CADM2: variants seen among roughly 807,000 people sequenced by gnomAD.
The protein encoded by CADM2 is immunoglobulin superfamily member 4D.
Under a neutral mutation model 49.8 loss-of-function variants are expected in CADM2, and 12 were observed. That is an observed-to-expected ratio of 0.24 (90% CI 0.15 to 0.39). The LOEUF (loss-of-function observed/expected upper bound fraction) is 0.39, where lower values mean the gene tolerates loss of function less well. Ranked by LOEUF, CADM2 falls within the 10% of genes least tolerant of loss-of-function variation. CADM2 has a pLI of 1.00. For synonymous variants in CADM2, 214 were observed against 175.4 expected, an observed-to-expected ratio of 1.22 and a Z score of -1.74; for missense variants, 378 against 492.3, an observed-to-expected ratio of 0.77 and a Z score of 2.20.
intron 1 of CADM2, among the ~76,000 whole-genome samples, chr3:85,655,220 T>C (rs2065161182): frequency 6.6e-6 from 1 of 151,838 alleles, no homozygotes; most frequent in African/African-American, 2.4e-5. Context: ...AGTGGTGTGA[T>C]CTCAGCTTAC....
intron 8 of CADM2, among the ~76,000 whole-genome samples, chr3:86,042,143 A>G (rs547672136): frequency 6.6e-6 from 1 of 152,342 alleles, no homozygotes; most frequent in South Asian, 2.1e-4. Context: ...TCTAAAATTG[A>G]CACGCTAACA....
At chr3:85,065,032 A>T (rs1332885380) in intron 1 of CADM2, among the ~76,000 whole-genome samples, 2 of 152,120 alleles carry the variant, frequency 1.3e-5, no homozygotes, top group Non-Finnish European at 2.9e-5. Context: ...ATATAGATGG[A>T]GTTTTAAAAT....
At chr3:85,204,131 C>A (rs1241292064) in intron 1 of CADM2, among the ~76,000 whole-genome samples, 1 of 152,112 alleles carries the variant, frequency 6.6e-6, no homozygotes, top group Non-Finnish European at 1.5e-5. Context: ...TAAATAATCC[C>A]TCAGAATTTA....
At chr3:85,665,594 C>G (rs976537613) in intron 1 of CADM2, among the ~76,000 whole-genome samples, 3 of 151,948 alleles carry the variant, frequency 2.0e-5, no homozygotes, top group African/African-American at 7.2e-5. Context: ...TTAATGAAAA[C>G]AGAAGGACCC....
rs557594187 is a variant in CADM2, at chr3:85,581,458, G to C, written c.62-145064G>C. 5.2e-4 allele frequency among the ~76,000 whole-genome samples: 79 copies of C among 150,934 alleles called. No individual in the cohort carries two copies. The South Asian group carries it at 0.016, about 30-fold the overall frequency. Reference sequence around the variant, plus strand: ...AAGAAAAAAAAAAAAAGGACTTTGAGGGTGAAAAAGAACATATGAAGCAAG... The same window carrying C: ...AAGAAAAAAAAAAAAAGGACTTTGACGGTGAAAAAGAACATATGAAGCAAG... On this transcript the variant is annotated intron_variant, in intron 1 of 9. Coordinates refer to ENST00000383699, the MANE Select transcript of CADM2 (RefSeq NM_001167675.2).
intron 1 of CADM2, among the ~76,000 whole-genome samples, chr3:85,214,977 C>T (rs2041885189): frequency 6.6e-6 from 1 of 152,038 alleles, no homozygotes; most frequent in Admixed American, 6.5e-5. Context: ...ACTCATGCTG[C>T]AGGACAACAT....
intron 8 of CADM2, among the ~76,000 whole-genome samples, chr3:86,003,288 A>C (rs928680517): frequency 6.6e-6 from 1 of 152,154 alleles, no homozygotes; most frequent in African/African-American, 2.4e-5. Context: ...CATTTTCCCC[A>C]TGGGACTTGG....
intron 1 of CADM2, among the ~76,000 whole-genome samples, chr3:85,034,380 T>C (rs975918367): frequency 6.6e-6 from 1 of 152,182 alleles, no homozygotes; most frequent in Non-Finnish European, 1.5e-5. Flanking sequence ...TTATTTCCCT[T>C]AACATAATGA....
chr3:85,907,542 A>G (rs1333965379), intron 5 of CADM2, among the ~76,000 whole-genome samples: 1 of 152,182 alleles, frequency 6.6e-6, no homozygotes, highest in Non-Finnish European at 1.5e-5. Context: ...TGGATTAAAA[A>G]GAACTGGCCT....
At chr3:85,041,251 A>G (rs1023840256) in intron 1 of CADM2, among the ~76,000 whole-genome samples, 2 of 152,156 alleles carry the variant, frequency 1.3e-5, no homozygotes, top group Middle Eastern at 3.2e-3. Context: ...CTTATATTTC[A>G]TCTTTTTGCT....
intron 1 of CADM2, among the ~76,000 whole-genome samples, chr3:85,464,453 C>A (rs1452759963): frequency 1.3e-5 from 2 of 152,080 alleles, no homozygotes; most frequent in Admixed American, 6.6e-5. Context: ...GTTTAAACTT[C>A]CTGAATATGA....
intron 1 of CADM2, among the ~76,000 whole-genome samples, chr3:85,099,837 T>TG (rs2037943960): frequency 6.6e-6 from 1 of 152,180 alleles, no homozygotes; most frequent in East Asian, 1.9e-4. Flanking sequence ...AATGGGAGCT[T>TG]TTAAAATAAC....
At chr3:85,824,542 G>C (rs2073796346) in intron 3 of CADM2, among the ~76,000 whole-genome samples, 1 of 152,132 alleles carries the variant, frequency 6.6e-6, no homozygotes, top group African/African-American at 2.4e-5. Context: ...AGGAATTAAA[G>C]CTACTTGTGA....
intron 1 of CADM2, among the ~76,000 whole-genome samples, chr3:85,089,724 G>T (rs565820477): frequency 2.6e-5 from 4 of 151,812 alleles, no homozygotes; most frequent in African/African-American, 9.7e-5. Flanking sequence ...CTTTCTGTAC[G>T]AAAAACAAGC....
At chr3:85,296,417 T>G (rs1389982755) in intron 1 of CADM2, among the ~76,000 whole-genome samples, 1 of 147,182 alleles carries the variant, frequency 6.8e-6, no homozygotes, top group Non-Finnish European at 1.5e-5. Flanking sequence ...ATAACTAAAG[T>G]AAACAATTTT....
At chr3:85,198,570 A>G (rs2041405176) in intron 1 of CADM2, among the ~76,000 whole-genome samples, 1 of 151,944 alleles carries the variant, frequency 6.6e-6, no homozygotes, top group Admixed American at 6.6e-5. Flanking sequence ...ATGATAAACT[A>G]CAAGCAGGAA....
chr3:85,555,114 A>G (rs1197118961), intron 1 of CADM2, among the ~76,000 whole-genome samples: 1 of 152,150 alleles, frequency 6.6e-6, no homozygotes, highest in Non-Finnish European at 1.5e-5. Context: ...CTGTGTTTTT[A>G]TAAGTAAAGT....
At chr3:85,476,704 T>G (rs1156923167) in intron 1 of CADM2, among the ~76,000 whole-genome samples, 1 of 151,908 alleles carries the variant, frequency 6.6e-6, no homozygotes, top group Non-Finnish European at 1.5e-5. Flanking sequence ...AGTAAACTAT[T>G]ATTTTTAACG....
intron 1 of CADM2, among the ~76,000 whole-genome samples, chr3:85,064,213 C>T (rs1401038524): frequency 6.6e-6 from 1 of 152,028 alleles, no homozygotes; most frequent in Non-Finnish European, 1.5e-5. Context: ...ACTAATATTG[C>T]TGCTGTCACT....
Sources: gnomAD v4.1 joint callset for allele counts (sites outside exome capture counted in the v4.1 genomes callset) on GRCh38, gnomAD v4.1.1 for gene constraint, MANE v1.5 for transcripts, NCBI Gene and HGNC (gene_info 2026-07-23, HGNC 2026-07-21) for gene names.